Variants in RGS7 observed in about 807,000 individuals in gnomAD.
RGS7 encodes the protein regulator of G protein signaling 7, also known as regulator of G-protein signaling 7.
RGS7 carries 27 observed loss-of-function variants against 81.1 expected under a neutral mutation model. That is an observed-to-expected ratio of 0.33 (90% CI 0.25 to 0.46). RGS7 has a LOEUF of 0.46. Among genes scored for constraint, RGS7 ranks in the 20% least tolerant of loss-of-function variants. The pLI, the probability that RGS7 is intolerant of heterozygous loss-of-function variation, is 1.00. For synonymous variants in RGS7, 208 were observed against 207.7 expected (o/e 1.00, Z -0.01); for missense variants, 396 against 607.4 (o/e 0.65, Z 3.66).
chr1:241,147,505 CTTGG>C (rs1254539246), intron 2 of RGS7, among the ~76,000 whole-genome samples: 2 of 151,888 alleles, frequency 1.3e-5, no homozygotes, highest in East Asian at 3.9e-4. Flanking sequence ...CCTTCTTTGT[CTTGG>C]TCTTTTACCA....
chr1:241,076,035 T>G (rs1290926313), intron 3 of RGS7, among the ~76,000 whole-genome samples: 1 of 152,172 alleles, frequency 6.6e-6, no homozygotes, highest in Non-Finnish European at 1.5e-5. Context: ...ATTTTCAGGT[T>G]CCAACTTGCG....
intron 3 of RGS7, among the ~76,000 whole-genome samples, chr1:241,063,327 C>T (rs571541905): frequency 1.4e-4 from 21 of 152,216 alleles, no homozygotes; most frequent in Middle Eastern, 3.4e-3. Context: ...ATGGTGAATA[C>T]GAAGTGGAGG....
At chr1:241,155,004 C>T (rs1411910762) in intron 2 of RGS7, among the ~76,000 whole-genome samples, 1 of 152,194 alleles carries the variant, frequency 6.6e-6, no homozygotes, top group East Asian at 1.9e-4. Context: ...GTATTACAAA[C>T]TCACTATTCT....
chr1:241,317,269 ATAATT>A (rs753644778), intron 2 of RGS7, among the ~76,000 whole-genome samples: 4 of 152,232 alleles, frequency 2.6e-5, no homozygotes, highest in Non-Finnish European at 5.9e-5. Context: ...TCCATTTAAT[ATAATT>A]TAATGAACTA....
intron 2 of RGS7, among the ~76,000 whole-genome samples, chr1:241,226,418 T>G (rs2075312093): frequency 6.6e-6 from 1 of 152,198 alleles, no homozygotes; most frequent in Non-Finnish European, 1.5e-5. Flanking sequence ...TTAGGATGAT[T>G]GGATAGAGTG....
At chr1:241,069,207 A>G in intron 3 of RGS7, among the ~76,000 whole-genome samples, 1 of 152,190 alleles carries the variant, frequency 6.6e-6, no homozygotes, top group Non-Finnish European at 1.5e-5. Context: ...GGCCACTATC[A>G]TGTCCTTTAA....
intron 10 of RGS7, among the ~76,000 whole-genome samples, chr1:240,819,043 G>C (rs1320300500): frequency 3.9e-5 from 6 of 152,070 alleles, no homozygotes; most frequent in African/African-American, 9.7e-5. Flanking sequence ...ATAAATATGT[G>C]CAATTATTAT....
At chr1:240,822,223 T>G (rs912104416) in intron 10 of RGS7, among the ~76,000 whole-genome samples, 2 of 152,210 alleles carry the variant, frequency 1.3e-5, no homozygotes, top group African/African-American at 2.4e-5. Flanking sequence ...GACTGCCTTT[T>G]TTGTTGTTGT....
chr1:240,777,124 G>A (rs936170901), intron 18 of RGS7, among the ~76,000 whole-genome samples: 4 of 152,024 alleles, frequency 2.6e-5, no homozygotes, highest in Non-Finnish European at 5.9e-5. Context: ...GTGAAACTCC[G>A]TCTCTACTAA....
At chr1:241,246,532 T>C (rs1232472972) in intron 2 of RGS7, among the ~76,000 whole-genome samples, 1 of 152,104 alleles carries the variant, frequency 6.6e-6, no homozygotes, top group Non-Finnish European at 1.5e-5. Context: ...TGTGTTAAAC[T>C]AGAAAAAACT....
At chr1:241,010,949 A>G (rs985519044) in intron 3 of RGS7, among the ~76,000 whole-genome samples, 2 of 152,124 alleles carry the variant, frequency 1.3e-5, no homozygotes, top group Non-Finnish European at 2.9e-5. Flanking sequence ...AAATCTGCAT[A>G]ATGAGATGGT....
chr1:241,115,829 T>C (rs962099630), intron 2 of RGS7, among the ~76,000 whole-genome samples: 21 of 152,100 alleles, frequency 1.4e-4, no homozygotes, highest in Non-Finnish European at 1.9e-4. Context: ...CCTATTGATA[T>C]GGTTTAGATT....
intron 9 of RGS7, among the ~76,000 whole-genome samples, chr1:240,853,807 A>G (rs1660560692): frequency 7.0e-6 from 1 of 141,944 alleles, no homozygotes; most frequent in Non-Finnish European, 1.5e-5. Context: ...AGGCTGAGGC[A>G]GGAGAATGGC....
chr1:240,853,709 G>A (rs575700276), intron 9 of RGS7, among the ~76,000 whole-genome samples: 1 of 151,658 alleles, frequency 6.6e-6, no homozygotes, highest in Non-Finnish European at 1.5e-5. Flanking sequence ...GAGACCATAC[G>A]GGCTAACACG....
chr1:241,103,469 A>G (rs1015756666), intron 2 of RGS7, among the ~76,000 whole-genome samples: 2 of 152,242 alleles, frequency 1.3e-5, no homozygotes, highest in African/African-American at 4.8e-5. Context: ...CCTAGCTACA[A>G]AATGATTGAA....
intron 2 of RGS7, among the ~76,000 whole-genome samples, chr1:241,247,419 G>T (rs2076601266): frequency 6.6e-6 from 1 of 152,162 alleles, no homozygotes; most frequent in Non-Finnish European, 1.5e-5. Flanking sequence ...AAGGGGGCCT[G>T]CCGCTCCACA....
intron 2 of RGS7, among the ~76,000 whole-genome samples, chr1:241,150,640 G>T (rs1449901622): frequency 6.6e-6 from 1 of 152,126 alleles, no homozygotes; most frequent in Non-Finnish European, 1.5e-5. Flanking sequence ...TAGCCCCTGG[G>T]GTTTGGAAAC....
At chr1:240,930,800 A>G in intron 5 of RGS7, 32 bp from the exon 6 acceptor site, 1 of 1,608,886 alleles carries the variant, frequency 6.2e-7, no homozygotes, top group Admixed American at 1.7e-5. Context: ...AACCCAGATT[A>G]GACAAATAAA....
intron 9 of RGS7, among the ~76,000 whole-genome samples, chr1:240,838,510 A>G (rs1695064595): frequency 2.6e-5 from 4 of 152,132 alleles, no homozygotes; most frequent in Admixed American, 2.0e-4. Context: ...TCAAAGATAT[A>G]CTCTGTTGCA....
Sources: gnomAD v4.1 joint callset for allele counts (sites outside exome capture counted in the v4.1 genomes callset) on GRCh38, gnomAD v4.1.1 for gene constraint, MANE v1.5 for transcripts, NCBI Gene and HGNC (gene_info 2026-07-23, HGNC 2026-07-21) for gene names.